The following NEMP2 variants were observed in gnomAD, a reference collection of about 807,000 sequenced individuals.
NEMP2 encodes the protein nuclear envelope integral membrane protein 2.
In NEMP2, 53 loss-of-function variants were observed where a neutral mutation model predicts 54.2. That is an observed-to-expected ratio of 0.98 (90% confidence interval 0.78 to 1.23). NEMP2 has a LOEUF of 1.23. Among genes scored for constraint, NEMP2 ranks in the 50% most tolerant of loss-of-function variants. NEMP2 has a pLI of 0.00. For synonymous variants in NEMP2, 197 were observed against 190.3 expected, an observed-to-expected ratio of 1.04 and a Z score of -0.29; for missense variants, 455 against 511.3, an observed-to-expected ratio of 0.89 and a Z score of 1.06.
At position 190,525,477 on chromosome 2, in the gene NEMP2, T is replaced by A; in HGVS notation, c.98-99A>T. 3.2e-6 allele frequency: 2 copies of A among 615,916 alleles called. No individual in the cohort carries two copies. Among genetic ancestry groups the A allele is most frequent in the Non-Finnish European group, 2.9e-6 (1 of 348,918 alleles). 38.2% of individuals were successfully genotyped at this position (615,916 alleles called of 1,614,324 possible). A position where few individuals can be genotyped will look rare whatever the true frequency, so the allele number is the denominator to read the frequency against. ...GGAGGTAACAGTAGCAGTTTTAACGTTCTATGGCCAATAAATTCTCCTATA... is the reference window on the plus strand; with the variant it reads ...GGAGGTAACAGTAGCAGTTTTAACGATCTATGGCCAATAAATTCTCCTATA... On this transcript the variant is annotated intron_variant, in intron 1 of 8. Coordinates refer to ENST00000409150, the MANE Select transcript of NEMP2 (RefSeq NM_001142645.2). The surrounding 1 kb of genome is among the most constrained non-coding windows in gnomAD (Gnocchi z 5.0).
chr2:190,588,530 C>T, the NEMP2 span, among the ~76,000 whole-genome samples: 1 of 151,962 alleles, frequency 6.6e-6, no homozygotes, highest in Non-Finnish European at 1.5e-5. This position sits in a 1 kb window ranked among gnomAD's most constrained non-coding sequence, Gnocchi z 5.0. Context: ...CCTACCTAGA[C>T]CTGTGGGAGG....
the NEMP2 span, among the ~76,000 whole-genome samples, chr2:190,559,119 A>G: frequency 6.6e-6 from 1 of 152,218 alleles, no homozygotes; most frequent in Non-Finnish European, 1.5e-5. The surrounding 1 kb of genome is among the most constrained non-coding windows in gnomAD (Gnocchi z 4.0). Flanking sequence ...TAGAATATAA[A>G]GCAAGACAGT....
At chr2:190,503,322 T>TA (rs2125290759), downstream of NEMP2, among the ~76,000 whole-genome samples, 1 of 152,330 alleles carries the variant, frequency 6.6e-6, no homozygotes, top group South Asian at 2.1e-4. This position sits in a 1 kb window ranked among gnomAD's most constrained non-coding sequence, Gnocchi z 6.3. Context: ...CGGTAGGACT[T>TA]ACTGGGAAGA....
the NEMP2 span, among the ~76,000 whole-genome samples, chr2:190,606,718 A>G: frequency 6.6e-6 from 1 of 152,242 alleles, no homozygotes; most frequent in African/African-American, 2.4e-5. Flanking sequence ...TCAAAAAAAT[A>G]AAAAAGAAAA....
At chr2:190,558,458 C>G in the NEMP2 span, among the ~76,000 whole-genome samples, 1 of 152,036 alleles carries the variant, frequency 6.6e-6, no homozygotes, top group African/African-American at 2.4e-5. The surrounding 1 kb of genome is among the most constrained non-coding windows in gnomAD (Gnocchi z 4.4). Context: ...TACCCCAGAA[C>G]GTAAAGGATA....
the NEMP2 span, among the ~76,000 whole-genome samples, chr2:190,475,973 A>G: frequency 6.6e-6 from 1 of 152,244 alleles, no homozygotes; most frequent in Non-Finnish European, 1.5e-5. Flanking sequence ...AGGATTCCCT[A>G]TTTAATAAAT....
chr2:190,490,952 A>G, the NEMP2 span, among the ~76,000 whole-genome samples: 2 of 152,206 alleles, frequency 1.3e-5, no homozygotes, highest in South Asian at 4.1e-4. The surrounding 1 kb of genome is among the most constrained non-coding windows in gnomAD (Gnocchi z 4.5). Flanking sequence ...TTATAATCCT[A>G]AATGGATTCT....
At chr2:190,438,021 G>A in the NEMP2 span, among the ~76,000 whole-genome samples, 1 of 152,108 alleles carries the variant, frequency 6.6e-6, no homozygotes, top group Admixed American at 6.5e-5. This position sits in a 1 kb window ranked among gnomAD's most constrained non-coding sequence, Gnocchi z 5.2. Flanking sequence ...GGCATCTAAA[G>A]ATGTCCATTA....
the NEMP2 span, among the ~76,000 whole-genome samples, chr2:190,488,048 G>A: frequency 1.5e-4 from 23 of 152,180 alleles, no homozygotes; most frequent in South Asian, 6.2e-4. This position sits in a 1 kb window ranked among gnomAD's most constrained non-coding sequence, Gnocchi z 6.4. Context: ...GACTATAGGC[G>A]TGCACCACCA....
At chr2:190,466,898 C>T in the NEMP2 span, among the ~76,000 whole-genome samples, 1 of 152,158 alleles carries the variant, frequency 6.6e-6, no homozygotes, top group Non-Finnish European at 1.5e-5. Context: ...ACCGGTCACT[C>T]CAGTGACTGA....
At chr2:190,556,248 T>G in the NEMP2 span, among the ~76,000 whole-genome samples, 1 of 152,222 alleles carries the variant, frequency 6.6e-6, no homozygotes, top group Non-Finnish European at 1.5e-5. Flanking sequence ...TCTCAATAGA[T>G]GCAGAAAAGG....
Position 190,510,323 on chromosome 2 carries a change from G to A in NEMP2, c.1130+38C>T. On this transcript the variant is annotated intron_variant, in intron 8 of 8. Coordinates refer to ENST00000409150, the MANE Select transcript of NEMP2 (RefSeq NM_001142645.2). This position sits in a 1 kb window ranked among gnomAD's most constrained non-coding sequence, Gnocchi z 5.7. ...ATCATATTATTTTTTAAATCATTCT[G>A]AACTAAACTATGGTCCGAGCAGCAG... 6.5e-7 allele frequency: 1 copy of A among 1,548,700 alleles called. No individual in the cohort carries two copies. Among genetic ancestry groups the A allele is most frequent in the Non-Finnish European group, 8.7e-7 (1 of 1,144,774 alleles).
At chr2:190,561,460 G>A in the NEMP2 span, among the ~76,000 whole-genome samples, 15 of 152,268 alleles carry the variant, frequency 9.9e-5, no homozygotes, top group East Asian at 2.7e-3. The surrounding 1 kb of genome is among the most constrained non-coding windows in gnomAD (Gnocchi z 5.4). Context: ...TCCTTGACTT[G>A]TCTTCCCCTT....
the NEMP2 span, among the ~76,000 whole-genome samples, chr2:190,437,778 C>T: frequency 6.6e-6 from 1 of 152,136 alleles, no homozygotes; most frequent in South Asian, 2.1e-4. The surrounding 1 kb of genome is among the most constrained non-coding windows in gnomAD (Gnocchi z 5.9). Context: ...CAAAGAATGG[C>T]TTCCTCTGCT....
the NEMP2 span, among the ~76,000 whole-genome samples, chr2:190,618,935 T>A: frequency 6.6e-6 from 1 of 152,242 alleles, no homozygotes; most frequent in Non-Finnish European, 1.5e-5. Context: ...AAGAAGATTA[T>A]TTGCTCTTTT....
At chr2:190,441,743 C>T in the NEMP2 span, among the ~76,000 whole-genome samples, 3 of 152,204 alleles carry the variant, frequency 2.0e-5, no homozygotes, top group Middle Eastern at 3.4e-3. Context: ...GCTCTAGAGA[C>T]CTCTGTGAGC....
At chr2:190,446,771 T>C in the NEMP2 span, among the ~76,000 whole-genome samples, 1 of 152,198 alleles carries the variant, frequency 6.6e-6, no homozygotes, top group Non-Finnish European at 1.5e-5. Flanking sequence ...ATACAAGAGA[T>C]GAATACTCGG....
the NEMP2 span, among the ~76,000 whole-genome samples, chr2:190,567,684 C>G: frequency 6.6e-6 from 1 of 152,176 alleles, no homozygotes; most frequent in Non-Finnish European, 1.5e-5. This position sits in a 1 kb window ranked among gnomAD's most constrained non-coding sequence, Gnocchi z 4.0. Context: ...GAGTCTCGCT[C>G]TGTCACCAGG....
chr2:190,503,869 G>A (rs1690120256), downstream of NEMP2, among the ~76,000 whole-genome samples: 1 of 152,188 alleles, frequency 6.6e-6, no homozygotes, highest in African/African-American at 2.4e-5. The surrounding 1 kb of genome is among the most constrained non-coding windows in gnomAD (Gnocchi z 6.3). Context: ...GACAAACTGT[G>A]GCTTCTTATA....
Sources: gnomAD v4.1 joint callset for allele counts (sites outside exome capture counted in the v4.1 genomes callset) on GRCh38, gnomAD v4.1.1 for gene constraint, Gnocchi (gnomAD v3.1) non-coding constraint, MANE v1.5 for transcripts, NCBI Gene and HGNC (gene_info 2026-07-23, HGNC 2026-07-21) for gene names.